The following COL4A6 variants were observed in gnomAD, a reference collection of about 807,000 sequenced individuals.
COL4A6 encodes the protein collagen alpha-6(IV) chain.
Under a neutral mutation model 126.7 loss-of-function variants are expected in COL4A6, and 59 were observed. The observed-to-expected ratio is 0.47, with a 90% confidence interval of 0.38 to 0.58. The LOEUF is 0.58. COL4A6 is among the 20% of genes least tolerant of loss of function. COL4A6 has a pLI of 0.00. For missense variants in COL4A6, 1,285 were observed against 1,337.3 expected, an observed-to-expected ratio of 0.96 and a Z score of 0.61; for synonymous variants, 547 against 496.6, an observed-to-expected ratio of 1.10 and a Z score of -1.35.
At chrX:108,211,618 T>C in intron 7 of COL4A6, 54 bp downstream of exon 7, 1 of 1,110,206 alleles carries the variant, frequency 9.0e-7, no homozygotes, top group Non-Finnish European at 1.2e-6. Flanking sequence ...TGGGGCCCAA[T>C]GCTGGGGAAC....
chrX:108,319,824 AT>A (rs930767139), intron 2 of COL4A6, among the ~76,000 whole-genome samples: 4 of 111,940 alleles, frequency 3.6e-5, no homozygotes, highest in Admixed American at 9.5e-5. Context: ...AGTATGTTTA[AT>A]TTTTTTGTTA....
Position 108,180,522 on chromosome X carries a change from T to C in COL4A6, c.2124A>G (p.Glu708=). Reference sequence around the variant, plus strand: ...AGACACTCCTTTTCTTACCTGGTAATTCAGGAAGATGAACCAATCCTGGAC... The same window carrying C: ...AGACACTCCTTTTCTTACCTGGTAACTCAGGAAGATGAACCAATCCTGGAC... The part of the protein sequence containing the change: ...PGSPGLVHLP[E]LPGFPGPRGE... The change falls in exon 25 of 45, where the codon GAA becomes GAG. Residue 708 remains glutamate, a synonymous_variant. Transcript: ENST00000334504. 1.7e-6 allele frequency: 2 copies of C among 1,202,606 alleles called. No homozygotes were observed. The highest frequency in any genetic ancestry group is 2.2e-6 in the Non-Finnish European group (2 of 889,642).
Position 108,198,731 on chromosome X carries a change from G to A in COL4A6, c.835-2152C>T, listed in dbSNP as rs143329972. On this transcript the variant is annotated intron_variant, in intron 13 of 44. Transcript: ENST00000334504. ...GGCTAGGTTAACTGTTTCCAGGCCT[G>A]CTCTCCTGGGCTCTGGACTCCTGAT... is the stretch of plus-strand genomic sequence containing the variant. 1.5e-4 allele frequency among the ~76,000 whole-genome samples: 17 copies of A among 111,210 alleles called. No homozygotes were observed. In the East Asian group the frequency reaches 4.3e-3, roughly 28 times the overall value.
chrX:108,257,018 A>G lies in COL4A6; in HGVS notation c.145-35644T>C, dbSNP rs185358116. Among the ~76,000 whole-genome samples, 25 of 111,880 alleles carry G rather than the reference A, an allele frequency of 2.2e-4. No individual in the cohort carries two copies. In the East Asian group the frequency reaches 5.1e-3, roughly 23 times the overall value. Reference sequence around the variant, plus strand: ...GGAAGAAAGTAGTTTGGAGGTCCCAAAGGAAAATGAGGATGGTTATCTCTC... The same window carrying G: ...GGAAGAAAGTAGTTTGGAGGTCCCAGAGGAAAATGAGGATGGTTATCTCTC... On this transcript the variant is annotated intron_variant, in intron 3 of 44. Coordinates refer to ENST00000334504, the MANE Select transcript of COL4A6 (RefSeq NM_033641.4).
At chrX:108,390,365 C>G (rs1326120486) in intron 2 of COL4A6, among the ~76,000 whole-genome samples, 1 of 110,861 alleles carries the variant, frequency 9.0e-6, no homozygotes, top group Non-Finnish European at 1.9e-5. Context: ...TTCAGGTACA[C>G]CAATCAAACA....
intron 2 of COL4A6, among the ~76,000 whole-genome samples, chrX:108,374,173 A>C (rs1301414797): frequency 2.7e-5 from 3 of 112,402 alleles, no homozygotes; most frequent in Non-Finnish European, 5.6e-5. Flanking sequence ...TCAAGAGTGT[A>C]TGCTAACGTG....
chrX:108,169,135 G>C (rs1472187846), intron 37 of COL4A6, among the ~76,000 whole-genome samples: 1 of 111,344 alleles, frequency 9.0e-6, no homozygotes, highest in Non-Finnish European at 1.9e-5. Context: ...ATCCACACTG[G>C]ACGCTGAGGA....
chrX:108,164,764 G>A, intron 39 of COL4A6, 66 bp from the exon 40 acceptor site: 1 of 1,179,227 alleles, frequency 8.5e-7, no homozygotes, highest in Non-Finnish European at 1.2e-6. Context: ...TGGAGGATAG[G>A]CAGGGGTGAG....
At chrX:108,385,307 CTT>C (rs1396498155) in intron 2 of COL4A6, among the ~76,000 whole-genome samples, 1 of 108,915 alleles carries the variant, frequency 9.2e-6, no homozygotes, top group East Asian at 3.0e-4. Context: ...AAAGGCAAAA[CTT>C]AGTTGGAAAA....
At chrX:108,298,676 G>A (rs1165297289) in intron 3 of COL4A6, among the ~76,000 whole-genome samples, 1 of 110,253 alleles carries the variant, frequency 9.1e-6, no homozygotes, top group Non-Finnish European at 1.9e-5. Context: ...GAGGCCCTGC[G>A]GGGGCTGGTT....
intron 6 of COL4A6, 39 bp from the exon 7 acceptor site, chrX:108,211,779 A>T: frequency 9.1e-7 from 1 of 1,101,647 alleles, no homozygotes; most frequent in Non-Finnish European, 1.3e-6. Flanking sequence ...AAATACACAC[A>T]CTTACAGTCT....
rs1427214530 is a variant in COL4A6, at chrX:108,206,554, A to G, written c.573T>C (p.Pro191=). The change falls in exon 9 of 45, where the codon CCT becomes CCC. Residue 191 remains proline, a synonymous_variant. Transcript: ENST00000334504. ...ITGPQGAPGF[P]GAVGPAGPPG... is the part of the protein sequence containing the mutation. ...GTGGTCCTGCAGGTCCTACAGCTCC[A>G]GGAAATCCGGGTGCTCCTTGTGGGC... The G allele has an allele frequency of 1.7e-6, 2 of 1,208,751 alleles. No individual in the cohort carries two copies. Among genetic ancestry groups the G allele is most frequent in the South Asian group, 3.5e-5 (2 of 56,729 alleles).
At chrX:108,301,472 G>A (rs766210614) in intron 3 of COL4A6, among the ~76,000 whole-genome samples, 2 of 111,404 alleles carry the variant, frequency 1.8e-5, no homozygotes, top group South Asian at 3.8e-4. Context: ...TTGATATCTC[G>A]TGGATGTCTT....
chrX:108,242,622 C>A (rs1261812845), intron 3 of COL4A6, among the ~76,000 whole-genome samples: 1 of 112,236 alleles, frequency 8.9e-6, no homozygotes, highest in Non-Finnish European at 1.9e-5. Context: ...TTAGAAGACA[C>A]AATTCTGTGA....
At chrX:108,183,960 ATTAC>A (rs1366347386) in intron 23 of COL4A6, among the ~76,000 whole-genome samples, 1 of 111,700 alleles carries the variant, frequency 9.0e-6, no homozygotes, top group Non-Finnish European at 1.9e-5. Flanking sequence ...AGGGTGATTG[ATTAC>A]TATGAGCATC....
chrX:108,300,366 CTGTGTGTGTGTG>C (rs3039370), intron 3 of COL4A6, among the ~76,000 whole-genome samples: 12 of 98,169 alleles, frequency 1.2e-4, no homozygotes, highest in East Asian at 3.5e-4. Flanking sequence ...CTCTCTCTCT[CTGTGTGTGTGTG>C]TGTGTGTGTG....
intron 3 of COL4A6, among the ~76,000 whole-genome samples, chrX:108,277,141 C>G (rs918240463): frequency 9.0e-6 from 1 of 111,529 alleles, no homozygotes; most frequent in African/African-American, 3.3e-5. Flanking sequence ...GAGTGCCAGA[C>G]AGTGGGCGCA....
intron 37 of COL4A6, among the ~76,000 whole-genome samples, chrX:108,166,884 T>C (rs2034144364): frequency 9.1e-6 from 1 of 109,332 alleles, no homozygotes; most frequent in African/African-American, 3.4e-5. Context: ...TATATATACA[T>C]ATAAAGCATA....
In COL4A6 at chrX:108,204,409, C is replaced by G. The variant is rs1347977835; in HGVS notation, c.691G>C (p.Asp231His). 2 of 1,200,210 alleles carry G rather than the reference C, an allele frequency of 1.7e-6. No homozygotes were observed. The highest frequency in any genetic ancestry group is 3.0e-5 in the East Asian group (1 of 33,707). The stretch of plus-strand genomic sequence containing the variant: ...CCTGCTGGGCCAGGGAGGCCAACAT[C>G]CCCCTGTAAGATCAAATGGAACATT... Reference protein sequence around the residue: ...GFQGEKGVKGDVGLPGPAGPP... With the variant: ...GFQGEKGVKGHVGLPGPAGPP... Residue 231 changes from aspartate (D) to histidine (H), a missense_variant, in exon 12 of 45, where the codon GAT (aspartate) becomes CAT (histidine). Transcript: ENST00000334504.
Sources: gnomAD v4.1 joint callset for allele counts (sites outside exome capture counted in the v4.1 genomes callset) on GRCh38, gnomAD v4.1.1 for gene constraint, MANE v1.5 for transcripts, NCBI Gene and HGNC (gene_info 2026-07-23, HGNC 2026-07-21) for gene names.